The following ARID1B variants were observed in gnomAD, a reference collection of about 807,000 sequenced individuals.
ARID1B encodes the protein AT-rich interaction domain 1B.
A neutral mutation model predicts 212.3 loss-of-function variants in ARID1B; 30 were observed. The ratio of observed to expected loss-of-function variants is 0.14; its 90% CI spans 0.11 to 0.19. ARID1B has a LOEUF of 0.19. Among genes scored for constraint, ARID1B ranks in the 10% least tolerant of loss-of-function variants. The pLI, the probability that ARID1B is intolerant of heterozygous loss-of-function variation, is 1.00. For missense variants in ARID1B, 2,891 were observed against 3,204.0 expected (o/e 0.90, Z 2.36); for synonymous variants, 1,402 against 1,301.7 (o/e 1.08, Z -1.66).
At position 156,882,468 on chromosome 6, in the gene ARID1B, CAT is replaced by C. The variant is rs995229112; in HGVS notation, c.1987-18907_1987-18906del. On this transcript the variant is annotated intron_variant, in intron 2 of 19. Transcript: ENST00000636930. ...TTGCACAATAAAGTATCAGTCAACA[CAT>C]GTGAATAATGGAAAATATAGAGGTG... 6.6e-5 allele frequency among the ~76,000 whole-genome samples: 10 copies of C among 152,302 alleles called. No homozygotes were observed. In the East Asian group the frequency reaches 9.6e-4, roughly 15 times the overall value.
At chr6:156,986,008 C>A (rs1441474829) in intron 4 of ARID1B, among the ~76,000 whole-genome samples, 2 of 152,068 alleles carry the variant, frequency 1.3e-5, no homozygotes, top group Non-Finnish European at 2.9e-5. Flanking sequence ...CTGCCTCCTG[C>A]GATTTTTCTG....
chr6:156,826,922 A>C (rs985947964), intron 1 of ARID1B, among the ~76,000 whole-genome samples: 12 of 151,948 alleles, frequency 7.9e-5, no homozygotes, highest in Non-Finnish European at 1.8e-4. Context: ...CTTTTCCCTT[A>C]AGCGGTGATA....
intron 4 of ARID1B, among the ~76,000 whole-genome samples, chr6:157,051,897 A>G (rs1782628935): frequency 6.6e-6 from 1 of 152,192 alleles, no homozygotes; most frequent in South Asian, 2.1e-4. Context: ...ATATTTCATA[A>G]AAGTATTTAA....
At chr6:157,039,203 C>A (rs945945260) in intron 4 of ARID1B, among the ~76,000 whole-genome samples, 4 of 151,668 alleles carry the variant, frequency 2.6e-5, no homozygotes, top group African/African-American at 9.7e-5. Flanking sequence ...TAAGTTGAAA[C>A]AACAGTGAAA....
chr6:156,845,059 T>A (rs1369819985), intron 2 of ARID1B, among the ~76,000 whole-genome samples: 1 of 152,234 alleles, frequency 6.6e-6, no homozygotes, highest in African/African-American at 2.4e-5. Context: ...GATGTCCACA[T>A]GTAAAAAGCT....
intron 4 of ARID1B, among the ~76,000 whole-genome samples, chr6:157,055,954 G>A (rs1782930144): frequency 6.6e-6 from 1 of 152,182 alleles, no homozygotes; most frequent in African/African-American, 2.4e-5. Context: ...CAGCAGGCAG[G>A]AGATTTGCAT....
chr6:156,863,278 A>G (rs1451921575), intron 2 of ARID1B, among the ~76,000 whole-genome samples: 1 of 152,060 alleles, frequency 6.6e-6, no homozygotes, highest in Non-Finnish European at 1.5e-5. Flanking sequence ...ATGAGAAGGA[A>G]AGGGGTGGCT....
chr6:157,167,172 G>T lies in ARID1B; in HGVS notation c.3222G>T (p.Val1074=). 1 of 1,607,508 alleles carries T rather than the reference G, an allele frequency of 6.2e-7. No homozygotes were observed. Among genetic ancestry groups the T allele is most frequent in the Non-Finnish European group, 8.5e-7 (1 of 1,179,710 alleles). ...APPYSMAPAM[V]NSSAASVGLA... is the part of the protein sequence containing the mutation. ...CCTACAGCATGGCGCCCGCCATGGT[G>T]AACAGCTCGGCAGGTAACCTTGGCA... is the stretch of plus-strand genomic sequence containing the variant. Residue 1074 remains valine, a synonymous_variant, in exon 9 of 20, where the codon GTG becomes GTT. Coordinates refer to ENST00000636930, the MANE Select transcript of ARID1B (RefSeq NM_001374828.1).
At chr6:157,172,258 C>A (rs1047043000) in intron 9 of ARID1B, among the ~76,000 whole-genome samples, 2 of 152,164 alleles carry the variant, frequency 1.3e-5, no homozygotes, top group Non-Finnish European at 2.9e-5. Flanking sequence ...CTGCTTTGAA[C>A]AAGGCGGTCT....
At chr6:156,935,658 T>G (rs967670731) in intron 4 of ARID1B, 82 bp downstream of exon 4, 5 of 1,245,816 alleles carry the variant, frequency 4.0e-6, no homozygotes, top group Non-Finnish European at 5.7e-6. Context: ...TGTTCTACTT[T>G]ATATTATGAC....
rs1339192099 is a variant in ARID1B at position 156,778,976 on chromosome 6, A to G, written c.1296A>G (p.Ala432=). The G allele has an allele frequency of 3.2e-5, 41 of 1,273,136 alleles. No homozygotes were observed. The highest frequency in any genetic ancestry group is 3.9e-5 in the Non-Finnish European group (40 of 1,020,982). The allele number at this position is 1,273,136 out of a possible 1,614,324, so 78.9% of individuals were successfully genotyped here. A position where few individuals can be genotyped will look rare whatever the true frequency, so the allele number is the denominator to read the frequency against. ...CGGCGGCCGCGGCGGCGGCGGCAGCAGCAGGAGGCGGCGGCGGCGGCGGCT... is the reference window on the plus strand; with the variant it reads ...CGGCGGCCGCGGCGGCGGCGGCAGCGGCAGGAGGCGGCGGCGGCGGCGGCT... ...VAAAAAAAAA[A]AGGGGGGGYG... The change falls in exon 1 of 20, where the codon GCA becomes GCG. Residue 432 remains alanine (A), a synonymous_variant. Transcript: ENST00000636930.
At chr6:156,795,327 G>A (rs1008001700) in intron 1 of ARID1B, among the ~76,000 whole-genome samples, 4 of 152,144 alleles carry the variant, frequency 2.6e-5, no homozygotes, top group African/African-American at 9.7e-5. Flanking sequence ...GAAGTGGGAA[G>A]AGAGAATAAG....
intron 2 of ARID1B, among the ~76,000 whole-genome samples, chr6:156,880,739 C>CAAAAAAAAAAAAAAAAAAAAAAA (rs141153792): frequency 1.1e-5 from 1 of 86,994 alleles, no homozygotes; most frequent in Non-Finnish European, 2.1e-5. Context: ...GACTCTGTCT[C>CAAAAAAAAAAAAAAAAAAAAAAA]AAAAAAAAAA....
intron 8 of ARID1B, among the ~76,000 whole-genome samples, chr6:157,163,694 A>G (rs973841446): frequency 7.9e-5 from 12 of 151,996 alleles, no homozygotes; most frequent in African/African-American, 2.4e-4. Flanking sequence ...ACTACCCCTC[A>G]CTGTGGCCAG....
intron 3 of ARID1B, among the ~76,000 whole-genome samples, chr6:156,911,878 A>G (rs1239747028): frequency 6.6e-6 from 1 of 152,226 alleles, no homozygotes; most frequent in Non-Finnish European, 1.5e-5. Flanking sequence ...ACCACACAAC[A>G]GTAATTATAG....
At chr6:157,010,453 G>T (rs1462301891) in intron 4 of ARID1B, among the ~76,000 whole-genome samples, 1 of 151,852 alleles carries the variant, frequency 6.6e-6, no homozygotes, top group East Asian at 1.9e-4. Context: ...CTCCCGAGTA[G>T]CTGGGATTAC....
chr6:157,204,857 A>G (rs1291216094), intron 19 of ARID1B: 3 of 152,168 alleles, frequency 2.0e-5, no homozygotes, highest in Non-Finnish European at 4.4e-5. Flanking sequence ...TAAAACACTT[A>G]ATTTCCTTGC....
At chr6:156,953,746 T>G (rs1197175835) in intron 4 of ARID1B, among the ~76,000 whole-genome samples, 1 of 152,202 alleles carries the variant, frequency 6.6e-6, no homozygotes, top group African/African-American at 2.4e-5. Flanking sequence ...TCTTTGTCTT[T>G]GAAGTCAGGC....
chr6:156,788,152 T>G (rs1779770496), intron 1 of ARID1B, among the ~76,000 whole-genome samples: 1 of 152,164 alleles, frequency 6.6e-6, no homozygotes, highest in Admixed American at 6.5e-5. Context: ...CAAAAATCTG[T>G]GCTGCTTTGA....
Sources: allele counts gnomAD v4.1 joint callset (sites outside exome capture counted in the v4.1 genomes callset), GRCh38; gene constraint gnomAD v4.1.1; transcripts MANE v1.5; gene names NCBI Gene and HGNC (gene_info 2026-07-23, HGNC 2026-07-21).